Variants in BANK1 observed in about 807,000 individuals in gnomAD.
BANK1 encodes B-cell scaffold protein with ankyrin repeats.
BANK1 carries 95 observed loss-of-function variants against 94.5 expected under a neutral mutation model. That is an observed-to-expected ratio of 1.00 (90% CI 0.85 to 1.19). The LOEUF is 1.19. BANK1 is among the 50% of genes most tolerant of loss of function. The pLI is 0.00. For missense variants in BANK1, 987 were observed against 932.2 expected (o/e 1.06, Z -0.77); for synonymous variants, 334 against 308.4 (o/e 1.08, Z -0.87).
chr4:101,942,372 G>T (rs752125440), intron 7 of BANK1, among the ~76,000 whole-genome samples: 4 of 151,826 alleles, frequency 2.6e-5, no homozygotes, highest in Admixed American at 6.6e-5. Flanking sequence ...AGCCTGTAGT[G>T]GGCATCTTGA....
intron 7 of BANK1, among the ~76,000 whole-genome samples, chr4:101,997,894 G>A (rs1560675930): frequency 6.6e-6 from 1 of 151,960 alleles, no homozygotes; most frequent in East Asian, 1.9e-4. Context: ...ATTTTTGAAA[G>A]TTTTTTTGTG....
intron 1 of BANK1, among the ~76,000 whole-genome samples, chr4:101,802,570 C>T (rs1456500133): frequency 6.6e-6 from 1 of 152,150 alleles, no homozygotes; most frequent in Non-Finnish European, 1.5e-5. Context: ...TACATTTCTG[C>T]TTTCACTAAG....
intron 5 of BANK1, among the ~76,000 whole-genome samples, chr4:101,891,435 A>G (rs1262608659): frequency 6.6e-6 from 1 of 152,012 alleles, no homozygotes. Flanking sequence ...TTTAGTTTCC[A>G]GAAGTTTTAT....
At position 101,845,252 on chromosome 4, in the gene BANK1, T is replaced by A. The variant is rs1306839822; in HGVS notation, c.470-9783T>A. 2.6e-5 allele frequency among the ~76,000 whole-genome samples: 4 copies of A among 152,026 alleles called. No individual in the cohort carries two copies. In the East Asian group the frequency reaches 7.7e-4, roughly 29 times the overall value. On this transcript the variant is annotated intron_variant, in intron 2 of 16. Coordinates refer to ENST00000322953, the MANE Select transcript of BANK1 (RefSeq NM_017935.5). ...CTATGTACCAACAAAAGTTAAAAAT[T>A]AAAAAATTAAAAAAGATACTACATC...
intron 11 of BANK1, among the ~76,000 whole-genome samples, chr4:102,046,427 T>C (rs1727880603): frequency 6.6e-6 from 1 of 152,140 alleles, no homozygotes. Context: ...GTGATAGTGT[T>C]GTCGATGTTA....
At chr4:101,834,173 A>T (rs1267135136) in intron 2 of BANK1, among the ~76,000 whole-genome samples, 2 of 152,100 alleles carry the variant, frequency 1.3e-5, no homozygotes, top group Admixed American at 6.6e-5. Context: ...TTTTAGGTGG[A>T]TATGAAAGTG....
intron 1 of BANK1, among the ~76,000 whole-genome samples, chr4:101,791,531 AT>A (rs1392274906): frequency 2.0e-5 from 3 of 152,192 alleles, no homozygotes; most frequent in African/African-American, 7.2e-5. Flanking sequence ...GCAGAAGTAG[AT>A]TTATATTTTC....
chr4:101,847,743 ACAC>A, intron 2 of BANK1, among the ~76,000 whole-genome samples: 1 of 130,458 alleles, frequency 7.7e-6, no homozygotes, highest in East Asian at 2.6e-4. Flanking sequence ...TCATACACAC[ACAC>A]ACACACACAC....
intron 2 of BANK1, among the ~76,000 whole-genome samples, chr4:101,836,760 A>T (rs1465475306): frequency 6.6e-6 from 1 of 152,234 alleles, no homozygotes; most frequent in Non-Finnish European, 1.5e-5. Context: ...GGAAGATTCT[A>T]CAAAATAATT....
intron 1 of BANK1, among the ~76,000 whole-genome samples, chr4:101,811,972 T>C (rs1725743467): frequency 6.6e-6 from 1 of 152,056 alleles, no homozygotes; most frequent in Non-Finnish European, 1.5e-5. Context: ...AAAATTGTTC[T>C]TTATAATAAT....
chr4:101,895,429 C>G lies in BANK1; in HGVS notation c.1009+19C>G. The G allele has an allele frequency of 7.2e-7, 1 of 1,391,538 alleles. No homozygotes were observed. The highest frequency in any genetic ancestry group is 1.0e-6 in the Non-Finnish European group (1 of 988,010). The allele number at this position is 1,391,538 out of a possible 1,614,324, so 86.2% of individuals were successfully genotyped here. ...AACAAATGTGAGTATTTTCCAGCTG[C>G]ATCAATTATTCTTTTTATCACATTC... On this transcript the variant is annotated intron_variant, in intron 6 of 16. Transcript: ENST00000322953.
At chr4:101,800,302 A>T (rs1332509959) in intron 1 of BANK1, among the ~76,000 whole-genome samples, 1 of 152,048 alleles carries the variant, frequency 6.6e-6, no homozygotes, top group African/African-American at 2.4e-5. Flanking sequence ...AAGAAAAGAA[A>T]AAGAATTTCT....
At chr4:101,878,439 G>A (rs910862764) in intron 5 of BANK1, among the ~76,000 whole-genome samples, 3 of 152,042 alleles carry the variant, frequency 2.0e-5, no homozygotes, top group Admixed American at 1.3e-4. Context: ...CCCAACACTG[G>A]AGCAACCAGA....
At chr4:102,029,928 G>T in intron 9 of BANK1, 32 bp from the exon 10 acceptor site, 2 of 1,560,042 alleles carry the variant, frequency 1.3e-6, no homozygotes, top group African/African-American at 1.4e-5. Context: ...TGTAACAGAA[G>T]AGTAAACACC....
intron 7 of BANK1, among the ~76,000 whole-genome samples, chr4:101,987,966 T>C (rs926423762): frequency 3.3e-5 from 5 of 152,114 alleles, no homozygotes; most frequent in African/African-American, 4.8e-5. Flanking sequence ...GAAGTGATCA[T>C]AGAAGCACTG....
intron 1 of BANK1, among the ~76,000 whole-genome samples, chr4:101,791,219 G>T (rs1251532984): frequency 1.4e-5 from 2 of 140,140 alleles, no homozygotes; most frequent in Non-Finnish European, 1.7e-5. Flanking sequence ...CTTCTGAGGA[G>T]CTGGAACTTT....
At chr4:101,916,769 A>C (rs1172301792) in intron 6 of BANK1, among the ~76,000 whole-genome samples, 2 of 152,052 alleles carry the variant, frequency 1.3e-5, no homozygotes, top group African/African-American at 4.8e-5. Flanking sequence ...GAAACAACTG[A>C]AAACTAAAAA....
intron 6 of BANK1, among the ~76,000 whole-genome samples, chr4:101,900,191 G>T (rs1305378425): frequency 6.6e-6 from 1 of 152,118 alleles, no homozygotes; most frequent in East Asian, 1.9e-4. Context: ...ACTCTTCTAG[G>T]TGCTCCAGAA....
chr4:102,055,936 G>A (rs181986247), intron 11 of BANK1, among the ~76,000 whole-genome samples: 2 of 151,800 alleles, frequency 1.3e-5, no homozygotes, highest in Non-Finnish European at 1.5e-5. Context: ...GAATTGAAAG[G>A]TAATCACTTG....
Sources: allele counts gnomAD v4.1 joint callset (sites outside exome capture counted in the v4.1 genomes callset), GRCh38; gene constraint gnomAD v4.1.1; transcripts MANE v1.5; gene names NCBI Gene and HGNC (gene_info 2026-07-23, HGNC 2026-07-21).